Variants in USP49 observed in about 807,000 individuals in gnomAD.
The protein encoded by USP49 is ubiquitin carboxyl-terminal hydrolase 49.
In USP49, 24 loss-of-function variants were observed where a neutral mutation model predicts 58.6. The observed-to-expected ratio is 0.41, with a 90% CI of 0.30 to 0.58. USP49 has a LOEUF of 0.58. USP49 is among the 20% of genes least tolerant of loss of function. The pLI, the probability that USP49 is intolerant of heterozygous loss-of-function variation, is 0.30. For synonymous variants in USP49, 408 were observed against 365.1 expected (o/e 1.12, Z -1.34); for missense variants, 703 against 866.1 (o/e 0.81, Z 2.36).
In USP49 at chr6:41,870,688, AT is replaced by A. The variant is rs70987539; in HGVS notation, c.-29+875del. Among the ~76,000 whole-genome samples, 365 of 116,020 alleles carry A rather than the reference AT, an allele frequency of 3.1e-3. 3 individuals carry two copies. Among genetic ancestry groups the A allele is most frequent in the Middle Eastern group, 4.9e-3 (1 of 204 alleles). The allele number at this position is 116,020 out of a possible 152,430, so 76.1% of individuals were successfully genotyped here. A position where few individuals can be genotyped will look rare whatever the true frequency, so the allele number is the denominator to read the frequency against. The stretch of plus-strand genomic sequence containing the variant: ...AGTAGCTAGCCACCACACCTGGCTA[AT>A]TTTTTTTTTTTTTTTTGGTAGAGAT... On this transcript the variant is annotated intron_variant, in intron 3 of 7. Transcript: ENST00000682992.
At chr6:41,862,714 A>T (rs948245652) in intron 3 of USP49, among the ~76,000 whole-genome samples, 2 of 152,222 alleles carry the variant, frequency 1.3e-5, no homozygotes, top group African/African-American at 4.8e-5. Context: ...GGAATACAGA[A>T]GACATGTTAG....
At chr6:41,870,229 G>A (rs575795669) in intron 3 of USP49, among the ~76,000 whole-genome samples, 5 of 152,142 alleles carry the variant, frequency 3.3e-5, no homozygotes, top group Non-Finnish European at 5.9e-5. Context: ...CAATTGCTAA[G>A]AGATAGCATT....
At chr6:41,875,954 ACTC>A (rs1561925126) in intron 2 of USP49, among the ~76,000 whole-genome samples, 1 of 151,928 alleles carries the variant, frequency 6.6e-6, no homozygotes, top group African/African-American at 2.4e-5. Flanking sequence ...CTGGTCTCGA[ACTC>A]CTGACCTTGT....
At chr6:41,877,691 A>C (rs1354353378) in intron 2 of USP49, among the ~76,000 whole-genome samples, 1 of 107,006 alleles carries the variant, frequency 9.3e-6, no homozygotes, top group Non-Finnish European at 2.2e-5. Flanking sequence ...CTCCCAAGTA[A>C]CTGGGATTAC....
intron 3 of USP49, among the ~76,000 whole-genome samples, chr6:41,812,323 C>T (rs1773272125): frequency 6.6e-6 from 1 of 151,562 alleles, no homozygotes; most frequent in Non-Finnish European, 1.5e-5. Context: ...AGGTGATCCG[C>T]CTACCTCGGC....
At position 41,806,322 on chromosome 6, in the gene USP49, G is replaced by C. The variant is rs770172987; in HGVS notation, c.662C>G (p.Pro221Arg). ...LLLHTPRDAG[P>R]AASRPAALPT... ...GAGGGCGGCGGGGCGCGAGGCAGCCGGGCCCGCGTCGCGGGGCGTGTGCAG... is the reference window on the plus strand; with the variant it reads ...GAGGGCGGCGGGGCGCGAGGCAGCCCGGCCCGCGTCGCGGGGCGTGTGCAG... Residue 221 changes from proline to arginine, a missense_variant, in exon 4 of 8, where the codon CCG becomes CGG. Pro to Arg is a moderately radical substitution (Grantham distance 103). Transcript: ENST00000682992. The surrounding 1 kb of genome is among the most constrained non-coding windows in gnomAD (Gnocchi z 5.9). 3 of 1,547,972 alleles carry C rather than the reference G, an allele frequency of 1.9e-6. No individual in the cohort carries two copies. In the South Asian group the frequency reaches 3.6e-5, roughly 19 times the overall value.
chr6:41,844,332 T>C (rs1773883401), intron 3 of USP49, among the ~76,000 whole-genome samples: 1 of 152,136 alleles, frequency 6.6e-6, no homozygotes, highest in Admixed American at 6.5e-5. Context: ...TTTTTTTCTT[T>C]CTTTGAGACA....
At chr6:41,809,874 G>A (rs868456372) in intron 3 of USP49, among the ~76,000 whole-genome samples, 2 of 149,188 alleles carry the variant, frequency 1.3e-5, no homozygotes, top group Non-Finnish European at 3.0e-5. Context: ...AAAATAGGCC[G>A]GGCGCGGTGG....
At chr6:41,846,043 C>T (rs771899966) in intron 3 of USP49, among the ~76,000 whole-genome samples, 2 of 152,032 alleles carry the variant, frequency 1.3e-5, no homozygotes, top group Admixed American at 6.6e-5. Flanking sequence ...TGGCCAGGCA[C>T]GGTGGCTCAC....
chr6:41,803,787 T>C lies in USP49; in HGVS notation c.1561+19A>G. 6.2e-7 allele frequency: 1 copy of C among 1,613,184 alleles called. No individual in the cohort carries two copies. The highest frequency in any genetic ancestry group is 1.1e-5 in the South Asian group (1 of 91,050). ...AATTATTCTTCCCCACTACGCCCCC[T>C]CCTCCACACAGCACTCACTGTTACA... On this transcript the variant is annotated intron_variant, in intron 5 of 7. Transcript: ENST00000682992. This position sits in a 1 kb window ranked among gnomAD's most constrained non-coding sequence, Gnocchi z 4.1.
intron 3 of USP49, among the ~76,000 whole-genome samples, chr6:41,853,821 A>T (rs1454185440): frequency 6.8e-6 from 1 of 147,972 alleles, no homozygotes; most frequent in East Asian, 2.0e-4. Flanking sequence ...ACATGGAGAA[A>T]GCCCGTCTCT....
intron 3 of USP49, among the ~76,000 whole-genome samples, chr6:41,809,530 GA>G (rs899411251): frequency 3.5e-5 from 5 of 142,520 alleles, no homozygotes; most frequent in African/African-American, 5.2e-5. Context: ...GTCTCAAAAA[GA>G]AAATAATAAA....
intron 3 of USP49, among the ~76,000 whole-genome samples, chr6:41,809,546 G>A (rs983315322): frequency 2.7e-5 from 4 of 149,672 alleles, no homozygotes; most frequent in Non-Finnish European, 5.9e-5. Flanking sequence ...AATAAAATAG[G>A]CCGGGTACGG....
At position 41,889,030 on chromosome 6, in the gene USP49, A is replaced by ATTT. The variant is rs879372948; in HGVS notation, c.-103+2761_-103+2763dup. 1.3e-4 allele frequency among the ~76,000 whole-genome samples: 19 copies of ATTT among 145,026 alleles called. 2 individuals carry two copies. The South Asian group carries it at 3.8e-3, about 29-fold the overall frequency. On this transcript the variant is annotated intron_variant, in intron 2 of 7. Transcript: ENST00000682992. Reference sequence around the variant, plus strand: ...AACTTATTTGTATTAATCCCAATCAATTTTTTTTTTTTTTATTTTTGAGAC... The same window carrying ATTT: ...AACTTATTTGTATTAATCCCAATCAATTTTTTTTTTTTTTTTTATTTTTGAGAC...
At chr6:41,888,195 C>T (rs778416650) in intron 2 of USP49, among the ~76,000 whole-genome samples, 20 of 151,612 alleles carry the variant, frequency 1.3e-4, no homozygotes, top group Non-Finnish European at 2.5e-4. Context: ...GCTGGGATTA[C>T]GGGCATGCAC....
At chr6:41,866,446 G>A (rs76902860) in intron 3 of USP49, among the ~76,000 whole-genome samples, 2,523 of 152,264 alleles carry the variant, frequency 0.017, 53 homozygotes, top group African/African-American at 0.05. Flanking sequence ...CTAGAACACA[G>A]TGGGTGTTCA....
At chr6:41,876,886 G>A (rs985757300) in intron 2 of USP49, among the ~76,000 whole-genome samples, 1 of 152,172 alleles carries the variant, frequency 6.6e-6, no homozygotes, top group Non-Finnish European at 1.5e-5. Flanking sequence ...GCTAAATTAG[G>A]AAGCCCAGCA....
chr6:41,895,131 C>G (rs1220566430), intron 1 of USP49, among the ~76,000 whole-genome samples, 193 bp downstream of exon 1: 1 of 150,030 alleles, frequency 6.7e-6, no homozygotes, highest in African/African-American at 2.4e-5. Context: ...GCCCCTCACC[C>G]GGTGTGTGAG....
chr6:41,853,314 G>T (rs941019336), intron 3 of USP49, among the ~76,000 whole-genome samples: 4 of 152,158 alleles, frequency 2.6e-5, no homozygotes, highest in African/African-American at 7.2e-5. Context: ...TTTATATGAG[G>T]TATCTAAAGA....
Sources: allele counts gnomAD v4.1 joint callset (sites outside exome capture counted in the v4.1 genomes callset), GRCh38; gene constraint gnomAD v4.1.1; non-coding constraint Gnocchi (gnomAD v3.1); transcripts MANE v1.5; gene names NCBI Gene and HGNC (gene_info 2026-07-23, HGNC 2026-07-21).